PHACTR3: variants seen among roughly 807,000 people sequenced by gnomAD.
The protein encoded by PHACTR3 is phosphatase and actin regulator 3.
PHACTR3 carries 16 observed loss-of-function variants against 66.8 expected under a neutral mutation model. That is an observed-to-expected ratio of 0.24 (90% confidence interval 0.16 to 0.36). PHACTR3 has a LOEUF of 0.36. PHACTR3 is among the 10% of genes least tolerant of loss of function. The pLI is 1.00. For synonymous variants in PHACTR3, 323 were observed against 292.1 expected (o/e 1.11, Z -1.08); for missense variants, 647 against 719.9 (o/e 0.90, Z 1.16).
chr20:59,694,157 C>T (rs530319094), intron 1 of PHACTR3, among the ~76,000 whole-genome samples: 58 of 152,324 alleles, frequency 3.8e-4, no homozygotes, highest in African/African-American at 1.3e-3. Flanking sequence ...GATGCAGACT[C>T]TATCTGTCTT....
At chr20:59,794,729 T>G (rs965829832) in intron 7 of PHACTR3, among the ~76,000 whole-genome samples, 2 of 152,236 alleles carry the variant, frequency 1.3e-5, no homozygotes, top group African/African-American at 4.8e-5. Flanking sequence ...ATTATTGGTC[T>G]GTTCTGATTT....
intron 8 of PHACTR3, among the ~76,000 whole-genome samples, chr20:59,824,484 C>A (rs977886448): frequency 6.6e-6 from 1 of 152,200 alleles, no homozygotes; most frequent in African/African-American, 2.4e-5. Flanking sequence ...GCTGGGAGAG[C>A]CTTCCACATA....
chr20:59,714,514 T>C (rs2038023685), intron 1 of PHACTR3, among the ~76,000 whole-genome samples: 1 of 152,260 alleles, frequency 6.6e-6, no homozygotes, highest in Non-Finnish European at 1.5e-5. Flanking sequence ...GGTCTATTTC[T>C]GGGCTCCATG....
At chr20:59,759,004 CGTT>C (rs1568789357) in intron 4 of PHACTR3, among the ~76,000 whole-genome samples, 1 of 152,222 alleles carries the variant, frequency 6.6e-6, no homozygotes, top group Non-Finnish European at 1.5e-5. Flanking sequence ...TCACCATCAT[CGTT>C]GTCATCGTCA....
In PHACTR3 at chr20:59,836,599, G is replaced by A. The variant is rs767156356; in HGVS notation, c.1384+39G>A. ...GATTCCTCTAGAGGTTTTCCTTCAC[G>A]TGTGGTGAGGCTGTTGCACAAATCC... On this transcript the variant is annotated intron_variant, in intron 9 of 12. Transcript: ENST00000371015. 38 of 1,591,842 alleles carry A rather than the reference G, an allele frequency of 2.4e-5. No homozygotes were observed. In the East Asian group the frequency reaches 7.1e-4, roughly 30 times the overall value.
At chr20:59,753,875 A>G (rs557299632) in intron 3 of PHACTR3, among the ~76,000 whole-genome samples, 1 of 152,292 alleles carries the variant, frequency 6.6e-6, no homozygotes, top group Non-Finnish European at 1.5e-5. Context: ...AGGAATCGGG[A>G]CTGACCAGGT....
chr20:59,729,123 T>C (rs556342600), intron 1 of PHACTR3, among the ~76,000 whole-genome samples: 17 of 152,156 alleles, frequency 1.1e-4, no homozygotes, highest in Admixed American at 9.2e-4. Flanking sequence ...GCCTAACTCC[T>C]GTGGAAGCCA....
chr20:59,618,269 T>C (rs576005745), intron 1 of PHACTR3, among the ~76,000 whole-genome samples: 1 of 152,038 alleles, frequency 6.6e-6, no homozygotes, highest in East Asian at 1.9e-4. Flanking sequence ...CCTCCTGGAC[T>C]GGGGAGGAGC....
At chr20:59,845,150 T>A (rs199879015) in intron 11 of PHACTR3, 39 bp from the exon 12 acceptor site, 25 of 1,290,620 alleles carry the variant, frequency 1.9e-5, no homozygotes, top group African/African-American at 1.6e-4. Context: ...CTGATTTTTT[T>A]AATATCCTGT....
chr20:59,650,011 A>G (rs758079635), intron 1 of PHACTR3, among the ~76,000 whole-genome samples: 3 of 152,234 alleles, frequency 2.0e-5, no homozygotes, highest in Non-Finnish European at 4.4e-5. Context: ...AAATTTAACT[A>G]TAAAGAATGA....
intron 8 of PHACTR3, among the ~76,000 whole-genome samples, chr20:59,831,071 A>C (rs2042357379): frequency 6.6e-6 from 1 of 151,988 alleles, no homozygotes. Context: ...TACTCACAGC[A>C]CAGGGCCAGG....
intron 1 of PHACTR3, among the ~76,000 whole-genome samples, chr20:59,613,523 A>G (rs2033928756): frequency 6.6e-6 from 1 of 152,206 alleles, no homozygotes; most frequent in Admixed American, 6.5e-5. Flanking sequence ...GAGCCTGGGA[A>G]GTGTAGCTTT....
chr20:59,842,965 T>C (rs755665922), intron 11 of PHACTR3, among the ~76,000 whole-genome samples: 6 of 152,146 alleles, frequency 3.9e-5, no homozygotes, highest in Admixed American at 6.6e-5. Flanking sequence ...AATATGATCT[T>C]ATACCTAGAG....
intron 1 of PHACTR3, among the ~76,000 whole-genome samples, chr20:59,618,949 T>G (rs1330893795): frequency 1.3e-5 from 2 of 152,200 alleles, no homozygotes; most frequent in African/African-American, 4.8e-5. Flanking sequence ...GTTTTCTTCT[T>G]TATACATGAG....
intron 3 of PHACTR3, among the ~76,000 whole-genome samples, chr20:59,751,744 G>T (rs781681517): frequency 1.3e-5 from 2 of 152,074 alleles, no homozygotes; most frequent in African/African-American, 2.4e-5. Context: ...TGCTGGTGGC[G>T]TTATTACATG....
intron 8 of PHACTR3, among the ~76,000 whole-genome samples, chr20:59,823,593 C>G (rs1348920430): frequency 6.6e-6 from 1 of 152,180 alleles, no homozygotes; most frequent in Non-Finnish European, 1.5e-5. Context: ...GTTATTTTTG[C>G]TCTAAACAAA....
chr20:59,797,282 G>T (rs1355734968), intron 7 of PHACTR3, among the ~76,000 whole-genome samples: 1 of 151,192 alleles, frequency 6.6e-6, no homozygotes, highest in Non-Finnish European at 1.5e-5. Flanking sequence ...TCTTGCTAAG[G>T]TTTCTTAAGG....
chr20:59,689,438 C>T (rs927006908), intron 1 of PHACTR3, among the ~76,000 whole-genome samples: 1 of 152,170 alleles, frequency 6.6e-6, no homozygotes, highest in African/African-American at 2.4e-5. Flanking sequence ...TTTTTTCACA[C>T]TTGTGTGGGG....
At chr20:59,686,536 A>G (rs950618073) in intron 1 of PHACTR3, among the ~76,000 whole-genome samples, 64 of 149,752 alleles carry the variant, frequency 4.3e-4, no homozygotes, top group African/African-American at 1.5e-3. Flanking sequence ...GATGGTGATG[A>G]TGATGGTCGT....
Sources: gnomAD v4.1 joint callset for allele counts (sites outside exome capture counted in the v4.1 genomes callset) on GRCh38, gnomAD v4.1.1 for gene constraint, MANE v1.5 for transcripts, NCBI Gene and HGNC (gene_info 2026-07-23, HGNC 2026-07-21) for gene names.